The following SEC16A variants were observed in gnomAD, a reference collection of about 807,000 sequenced individuals.
SEC16A encodes SEC16 homolog A, endoplasmic reticulum export factor, also known as protein transport protein Sec16A.
In SEC16A, 110 loss-of-function variants were observed where a neutral mutation model predicts 221.9. The ratio of observed to expected loss-of-function variants is 0.50; its 90% CI spans 0.42 to 0.58. The LOEUF (loss-of-function observed/expected upper bound fraction) is 0.58, where lower values mean the gene tolerates loss of function less well. SEC16A is among the 20% of genes least tolerant of loss of function. SEC16A has a pLI of 0.00. For synonymous variants in SEC16A, 1,393 were observed against 1,257.7 expected, an observed-to-expected ratio of 1.11 and a Z score of -2.28; for missense variants, 3,165 against 3,097.8, an observed-to-expected ratio of 1.02 and a Z score of -0.52.
rs532339993 is a variant in SEC16A at position 136,445,004 on chromosome 9, C to T, written c.6927+48G>A. Reference sequence around the variant, plus strand: ...GGCACCGCGTGCTCAGGAACACAGGCGGCACACGCCAGCTCTCATGTTAGT... The same window carrying T: ...GGCACCGCGTGCTCAGGAACACAGGTGGCACACGCCAGCTCTCATGTTAGT... On this transcript the variant is annotated intron_variant, in intron 30 of 31. Coordinates refer to ENST00000684901, the MANE Select transcript of SEC16A (RefSeq NM_014866.2). 136 of 1,545,772 alleles carry T rather than the reference C, an allele frequency of 8.8e-5. 2 individuals are homozygous for T. The South Asian group carries it at 1.3e-3, about 15-fold the overall frequency.
In SEC16A at chr9:136,475,394, G is replaced by A. The variant is rs1164973318; in HGVS notation, c.2222C>T (p.Ala741Val). The change falls in exon 3 of 32, where the codon GCC becomes GTC. Residue 741 changes from alanine (A) to valine (V), a missense_variant. Physicochemically the swap from Ala to Val is moderately conservative, Grantham distance 64 (BLOSUM62 0). This residue lies in a region of SEC16A where 2,030 missense variants were observed against 1,923.1 expected (regional missense o/e 1.06). Transcript: ENST00000684901. This position sits in a 1 kb window ranked among gnomAD's most constrained non-coding sequence, Gnocchi z 5.0. The stretch of plus-strand genomic sequence containing the variant: ...CACATAAAGCGCCGGGGCTGCAGGG[G>A]CCAGAAGGACGTTGCCTCCAAAATC... ...LPDFGGNVLL[A>V]PAAPALYVCA... is the part of the protein sequence containing the mutation. The A allele has an allele frequency of 1.2e-6, 2 of 1,610,316 alleles. No individual in the cohort carries two copies. The highest frequency in any genetic ancestry group is 1.7e-4 in the Middle Eastern group (1 of 6,052).
chr9:136,443,087 C>T (rs971166970), intron 31 of SEC16A, among the ~76,000 whole-genome samples: 5 of 152,224 alleles, frequency 3.3e-5, no homozygotes, highest in Non-Finnish European at 7.3e-5. Flanking sequence ...TCAGAGACCA[C>T]GGGCTCCAGG....
intron 1 of SEC16A, among the ~76,000 whole-genome samples, chr9:136,480,874 G>C (rs1437194682): frequency 6.8e-6 from 1 of 146,336 alleles, no homozygotes; most frequent in Non-Finnish European, 1.5e-5. Context: ...TGGGCAGAGC[G>C]AGACTCCGTC....
In SEC16A at chr9:136,468,517, A is replaced by G; in HGVS notation, c.3705-5T>C. The stretch of plus-strand genomic sequence containing the variant: ...TATCCTTCAGGATATCCTTGCCTGA[A>G]AAAACACACAGTGCTGTTAAAACAC... On this transcript the variant is annotated splice_polypyrimidine_tract_variant and splice_region_variant and intron_variant, in intron 4 of 31. Coordinates refer to ENST00000684901, the MANE Select transcript of SEC16A (RefSeq NM_014866.2). The G allele has an allele frequency of 6.3e-7, 1 of 1,576,162 alleles. No individual in the cohort carries two copies. The highest frequency in any genetic ancestry group is 8.7e-7 in the Non-Finnish European group (1 of 1,145,934).
chr9:136,478,769 G>C lies in SEC16A; in HGVS notation c.-130C>G, dbSNP rs1340479591. On this transcript the variant is annotated 5_prime_UTR_variant, in exon 2 of 32. Transcript: ENST00000684901. ...AGATCACTTGTGTCCATGAGTTCGAGGCTGCAGTGAGCTATGATTATACCA... is the reference window on the plus strand; with the variant it reads ...AGATCACTTGTGTCCATGAGTTCGACGCTGCAGTGAGCTATGATTATACCA... Among the ~76,000 whole-genome samples the C allele has an allele frequency of 6.6e-6, 1 of 152,206 alleles. No homozygotes were observed. The highest frequency in any genetic ancestry group is 2.4e-5 in the African/African-American group (1 of 41,438).
At position 136,459,917 on chromosome 9, in the gene SEC16A, C is replaced by T; in HGVS notation, c.5074-43G>A. On this transcript the variant is annotated intron_variant, in intron 14 of 31. Transcript: ENST00000684901. The surrounding 1 kb of genome is among the most constrained non-coding windows in gnomAD (Gnocchi z 6.1). ...AAAACGAAGCCTCATCCCCGGAAGC[C>T]AGCGCCATTTCAATTCCACACAGCT... The T allele has an allele frequency of 6.3e-7, 1 of 1,575,656 alleles. No individual in the cohort carries two copies.
At chr9:136,444,348 T>C (rs1336410072) in intron 30 of SEC16A, among the ~76,000 whole-genome samples, 1 of 152,204 alleles carries the variant, frequency 6.6e-6, no homozygotes, top group Non-Finnish European at 1.5e-5. Context: ...CCTCCCACAT[T>C]GGCCGCAGGT....
chr9:136,457,356 A>G, intron 18 of SEC16A, 88 bp downstream of exon 18: 1 of 1,447,580 alleles, frequency 6.9e-7, no homozygotes, highest in Non-Finnish European at 9.3e-7. Flanking sequence ...CGTCTGAACC[A>G]TCGCTACCCC....
chr9:136,462,563 T>C (rs1839632354), intron 12 of SEC16A, among the ~76,000 whole-genome samples: 1 of 152,226 alleles, frequency 6.6e-6, no homozygotes, highest in Non-Finnish European at 1.5e-5. Context: ...CCACAACTTG[T>C]GTCATGCACA....
intron 9 of SEC16A, 131 bp from the exon 10 acceptor site, chr9:136,463,871 A>C: frequency 1.1e-6 from 1 of 901,512 alleles, no homozygotes; most frequent in Non-Finnish European, 1.8e-6. Flanking sequence ...GCCCCACAGC[A>C]GGTGAAGGCT....
At position 136,472,036 on chromosome 9, in the gene SEC16A, A is replaced by G; in HGVS notation, c.3643T>C (p.Tyr1215His). The G allele has an allele frequency of 6.2e-7, 1 of 1,612,928 alleles. No homozygotes were observed. Among genetic ancestry groups the G allele is most frequent in the African/African-American group, 1.3e-5 (1 of 75,054 alleles). Residue 1215 changes from tyrosine to histidine, a missense_variant, in exon 4 of 32, where the codon TAT (tyrosine) becomes CAT (histidine). By Grantham distance (83) the Tyr-to-His change is moderately conservative (BLOSUM62 2). Transcript: ENST00000684901. ...GAGCTGGGCCGCTCGGGCTCGGGAT[A>G]GCGGTAGTTCTGGGCGTAAGCAGAC... Reference protein sequence around the residue: ...AASAYAQNYRYPEPERPSSRA... With the variant: ...AASAYAQNYRHPEPERPSSRA...
chr9:136,476,947 C>T lies in SEC16A; in HGVS notation c.669G>A (p.Gln223=). The change falls in exon 3 of 32, where the codon CAG becomes CAA. Residue 223 remains glutamine, a synonymous_variant. Coordinates refer to ENST00000684901, the MANE Select transcript of SEC16A (RefSeq NM_014866.2). ...AGGGTGAACGATGTTGCCCCGAGGG[C>T]TGTGGGCCTCCCTGCACTGGCCCCC... ...GQWGPVQGGP[Q]PSGQHRSPCP... The T allele has an allele frequency of 6.2e-7, 1 of 1,612,764 alleles. No homozygotes were observed. The highest frequency in any genetic ancestry group is 1.1e-5 in the South Asian group (1 of 91,066).
intron 21 of SEC16A, among the ~76,000 whole-genome samples, 192 bp downstream of exon 21, chr9:136,453,917 T>G (rs551355876): frequency 2.2e-4 from 34 of 152,350 alleles, no homozygotes; most frequent in Admixed American, 1.6e-3. Flanking sequence ...CAAAAGGAAC[T>G]GGCATTAACA....
chr9:136,464,687 A>T (rs1839926256), intron 8 of SEC16A, 125 bp from the exon 9 acceptor site: 2 of 829,304 alleles, frequency 2.4e-6, no homozygotes, highest in Non-Finnish European at 3.8e-6. Flanking sequence ...CTTCCAACTC[A>T]AAAGTCGGTA....
At chr9:136,441,919 C>T in intron 31 of SEC16A, 96 bp from the exon 32 acceptor site, 3 of 1,050,684 alleles carry the variant, frequency 2.9e-6, no homozygotes, top group South Asian at 1.3e-5. Flanking sequence ...CATAATGAAC[C>T]ACACGGGCCA....
At chr9:136,464,370 T>C (rs1839887793) in intron 9 of SEC16A, 50 bp downstream of exon 9, 2 of 1,529,322 alleles carry the variant, frequency 1.3e-6, no homozygotes, top group Admixed American at 2.0e-5. Flanking sequence ...AAGCAGAGAG[T>C]TCCCCAGGGC....
In SEC16A at chr9:136,483,016, C is replaced by G. The variant is rs1383039076; in HGVS notation, c.-270G>C. ...CTGGCGACGAGCACAGACACCTCAG[C>G]CGCCGCAGCCATCTTGGCACATCCG... On this transcript the variant is annotated 5_prime_UTR_variant, in exon 1 of 32. Coordinates refer to ENST00000684901, the MANE Select transcript of SEC16A (RefSeq NM_014866.2). 2.0e-6 allele frequency: 2 copies of G among 985,144 alleles called. No homozygotes were observed. The highest frequency in any genetic ancestry group is 3.5e-5 in the African/African-American group (2 of 57,216). 61.0% of individuals were successfully genotyped at this position (985,144 alleles called of 1,614,324 possible).
At chr9:136,453,850 G>A (rs889459527) in intron 21 of SEC16A, among the ~76,000 whole-genome samples, 2 of 152,154 alleles carry the variant, frequency 1.3e-5, no homozygotes, top group African/African-American at 4.8e-5. Flanking sequence ...GGAGACCCAT[G>A]GCCACCATGC....
Position 136,457,507 on chromosome 9 carries a change from G to C in SEC16A, c.5487C>G (p.Ile1829Met), listed in dbSNP as rs754274293. The C allele has an allele frequency of 5.0e-6, 8 of 1,609,752 alleles. No homozygotes were observed. In the Admixed American group the frequency reaches 8.4e-5, roughly 17 times the overall value. The part of the protein sequence containing the change: ...ATQAFHYCEA[I>M]AKSILTQPHL... ...GCGGCTGCGTCAGGATGCTCTTCGC[G>C]ATGGCCTCACAGTAGTGGAAGGCTT... Residue 1829 changes from isoleucine (I) to methionine (M), a missense_variant, in exon 18 of 32, where the codon ATC becomes ATG. By Grantham distance (10) the Ile-to-Met change is conservative (BLOSUM62 1). Coordinates refer to ENST00000684901, the MANE Select transcript of SEC16A (RefSeq NM_014866.2).
Sources: gnomAD v4.1 joint callset for allele counts (sites outside exome capture counted in the v4.1 genomes callset) on GRCh38, gnomAD v4.1.1 for gene constraint, gnomAD v4.1.1 regional missense constraint, Gnocchi (gnomAD v3.1) non-coding constraint, MANE v1.5 for transcripts, NCBI Gene and HGNC (gene_info 2026-07-23, HGNC 2026-07-21) for gene names.